FUT9: variants seen among roughly 807,000 people sequenced by gnomAD.
FUT9 encodes 4-galactosyl-N-acetylglucosaminide 3-alpha-L-fucosyltransferase 9.
Under a neutral mutation model 29.7 loss-of-function variants are expected in FUT9, and 15 were observed. That is an observed-to-expected ratio of 0.51 (90% CI 0.34 to 0.78). FUT9 has a LOEUF of 0.78. FUT9 is among the 30% of genes least tolerant of loss of function. The probability of loss-of-function intolerance (pLI) is 0.01; values close to 1 mark genes in which losing one functional copy is unlikely to be tolerated. For missense variants in FUT9, 319 were observed against 425.4 expected (o/e 0.75, Z 2.20); for synonymous variants, 169 against 153.7 (o/e 1.10, Z -0.74).
chr6:96,199,623 A>G (rs994359449), intron 2 of FUT9, among the ~76,000 whole-genome samples: 31 of 152,166 alleles, frequency 2.0e-4, no homozygotes, highest in Non-Finnish European at 1.0e-4. Context: ...CAAAACAGAG[A>G]GGCAAAACTG....
chr6:96,135,423 G>A (rs1416115667), intron 2 of FUT9, among the ~76,000 whole-genome samples: 1 of 151,888 alleles, frequency 6.6e-6, no homozygotes, highest in Non-Finnish European at 1.5e-5. Flanking sequence ...AGAGAAAGGT[G>A]TTAAAGAAGG....
chr6:96,160,977 A>G (rs553172758), intron 2 of FUT9, among the ~76,000 whole-genome samples: 1 of 152,304 alleles, frequency 6.6e-6, no homozygotes, highest in Non-Finnish European at 1.5e-5. Flanking sequence ...AATTGTAATT[A>G]CTGGATAACA....
In FUT9 at chr6:96,203,368, G is replaced by A; in HGVS notation, c.213G>A (p.Trp71Ter). ...FNETTILVWV[W>*]PFGQTFDLTS... ...AAACTACTATTCTGGTGTGGGTGTG[G>A]CCATTTGGGCAGACCTTTGACCTTA... The change falls in exon 3 of 3, where the codon TGG becomes TGA. Residue 71 changes from tryptophan (W) to a stop codon, truncating the protein, a stop_gained. Transcript: ENST00000302103. LOFTEE classifies it high-confidence loss of function. The A allele has an allele frequency of 6.2e-7, 1 of 1,612,822 alleles. No homozygotes were observed.
Position 96,208,095 on chromosome 6 carries a change from C to A in FUT9, c.*3860C>A, listed in dbSNP as rs539273915. The A allele has an allele frequency of 6.0e-6, 1 of 166,852 alleles. No individual in the cohort carries two copies. Among genetic ancestry groups the A allele is most frequent in the South Asian group, 2.1e-4 (1 of 4,834 alleles). The allele number at this position is 166,852 out of a possible 1,614,324, so 10.3% of individuals were successfully genotyped here. A position where few individuals can be genotyped will look rare whatever the true frequency, so the allele number is the denominator to read the frequency against. On this transcript the variant is annotated 3_prime_UTR_variant, in exon 3 of 3. Coordinates refer to ENST00000302103, the MANE Select transcript of FUT9 (RefSeq NM_006581.4). The stretch of plus-strand genomic sequence containing the variant: ...TTCTTATTTTGAGGGGCTTAGAAAG[C>A]TCAGCGCATTTGATGTATAAAGCAA...
intron 1 of FUT9, among the ~76,000 whole-genome samples, chr6:96,067,589 G>A (rs1260517573): frequency 6.6e-6 from 1 of 152,120 alleles, no homozygotes; most frequent in African/African-American, 2.4e-5. Flanking sequence ...AGGGCATTGA[G>A]TATGCAAGAG....
intron 1 of FUT9, among the ~76,000 whole-genome samples, chr6:96,061,184 G>A (rs547905963): frequency 1.0e-4 from 15 of 150,020 alleles, no homozygotes; most frequent in African/African-American, 3.2e-4. Flanking sequence ...AATTTTAATC[G>A]ACTTTATAAT....
At chr6:96,053,642 T>C (rs1163302085) in intron 1 of FUT9, among the ~76,000 whole-genome samples, 16 of 151,788 alleles carry the variant, frequency 1.1e-4, no homozygotes, top group African/African-American at 3.9e-4. Flanking sequence ...CCGGGAGGCG[T>C]AGTTTGCAGT....
In FUT9 at chr6:96,215,128, A is replaced by G. The variant is rs538098574; in HGVS notation, c.*10893A>G. ...TTCATTGATTGAAACTGTAAATAAC[A>G]TAACACTTTAAGGCAGCTAAGCAAA... On this transcript the variant is annotated 3_prime_UTR_variant, in exon 3 of 3. Transcript: ENST00000302103. 2 of 167,126 alleles carry G rather than the reference A, an allele frequency of 1.2e-5. No individual in the cohort carries two copies. Among genetic ancestry groups the G allele is most frequent in the East Asian group, 1.9e-4 (1 of 5,178 alleles). 10.4% of individuals were successfully genotyped at this position (167,126 alleles called of 1,614,324 possible).
intron 1 of FUT9, among the ~76,000 whole-genome samples, chr6:96,051,548 G>GAA (rs1305057013): frequency 6.6e-6 from 1 of 151,978 alleles, no homozygotes; most frequent in African/African-American, 2.4e-5. Context: ...AGCTACTCAA[G>GAA]AGACAGAGGT....
intron 1 of FUT9, among the ~76,000 whole-genome samples, chr6:96,097,657 T>C (rs758358994): frequency 7.9e-5 from 12 of 152,154 alleles, no homozygotes; most frequent in Non-Finnish European, 1.5e-4. Flanking sequence ...ATCTTTGATA[T>C]AGGACATAGT....
At chr6:96,170,793 A>G (rs1011629406) in intron 2 of FUT9, among the ~76,000 whole-genome samples, 1 of 152,154 alleles carries the variant, frequency 6.6e-6, no homozygotes, top group African/African-American at 2.4e-5. Flanking sequence ...AGAATGGGAC[A>G]TTTGGGGATT....
rs1412121925 is a variant in FUT9, at chr6:96,213,422, G to A, written c.*9187G>A. ...TTCTAGCCATTATGTGAATTGTAAGGGTCAGTAATCCATAAATTATTTGGA... is the reference window on the plus strand; with the variant it reads ...TTCTAGCCATTATGTGAATTGTAAGAGTCAGTAATCCATAAATTATTTGGA... On this transcript the variant is annotated 3_prime_UTR_variant, in exon 3 of 3. Coordinates refer to ENST00000302103, the MANE Select transcript of FUT9 (RefSeq NM_006581.4). The A allele has an allele frequency of 6.0e-6, 1 of 166,684 alleles. No homozygotes were observed. Among genetic ancestry groups the A allele is most frequent in the Non-Finnish European group, 1.5e-5 (1 of 67,992 alleles). 10.3% of individuals were successfully genotyped at this position (166,684 alleles called of 1,614,324 possible). A position where few individuals can be genotyped will look rare whatever the true frequency, so the allele number is the denominator to read the frequency against.
intron 1 of FUT9, among the ~76,000 whole-genome samples, chr6:96,037,714 A>T (rs923928065): frequency 6.6e-6 from 1 of 152,116 alleles, no homozygotes; most frequent in Non-Finnish European, 1.5e-5. Flanking sequence ...AAAGAAAAAA[A>T]GACCCTTTTT....
chr6:96,073,347 G>T (rs1771093839), intron 1 of FUT9, among the ~76,000 whole-genome samples: 1 of 151,938 alleles, frequency 6.6e-6, no homozygotes, highest in Non-Finnish European at 1.5e-5. Flanking sequence ...TACTCGGGAG[G>T]CTGAGGCAGA....
Position 96,212,498 on chromosome 6 carries a change from G to T in FUT9, c.*8263G>T, listed in dbSNP as rs1773957180. On this transcript the variant is annotated 3_prime_UTR_variant, in exon 3 of 3. Transcript: ENST00000302103. ...TTAAAATAATTAATCAAAAAACAAA[G>T]ACTATCATATTTGAGAACAAGATTT... 1.2e-5 allele frequency: 5 copies of T among 408,316 alleles called. No individual in the cohort carries two copies. Among genetic ancestry groups the T allele is most frequent in the African/African-American group, 1.0e-4 (5 of 48,416 alleles). 25.3% of individuals were successfully genotyped at this position (408,316 alleles called of 1,614,324 possible). A position where few individuals can be genotyped will look rare whatever the true frequency, so the allele number is the denominator to read the frequency against.
intron 2 of FUT9, among the ~76,000 whole-genome samples, chr6:96,164,674 C>G (rs1772981210): frequency 6.6e-6 from 1 of 152,074 alleles, no homozygotes; most frequent in South Asian, 2.1e-4. Context: ...GCCCAAATTC[C>G]AAAGAAAGGA....
At chr6:96,039,695 G>C (rs1000577679) in intron 1 of FUT9, among the ~76,000 whole-genome samples, 1 of 152,048 alleles carries the variant, frequency 6.6e-6, no homozygotes. Context: ...AATCTCTCAT[G>C]TTGCTTATTA....
At chr6:96,083,221 C>A (rs554746936) in intron 1 of FUT9, among the ~76,000 whole-genome samples, 1 of 151,948 alleles carries the variant, frequency 6.6e-6, no homozygotes, top group African/African-American at 2.4e-5. Flanking sequence ...ACTTAAAAAA[C>A]TTGAATGAAT....
At chr6:96,025,279 A>G (rs929874352) in intron 1 of FUT9, among the ~76,000 whole-genome samples, 1 of 151,768 alleles carries the variant, frequency 6.6e-6, no homozygotes, top group Non-Finnish European at 1.5e-5. Context: ...TTCTCAGACA[A>G]GGAACTCGTT....
Sources: allele counts gnomAD v4.1 joint callset (sites outside exome capture counted in the v4.1 genomes callset), GRCh38; gene constraint gnomAD v4.1.1; transcripts MANE v1.5; gene names NCBI Gene and HGNC (gene_info 2026-07-23, HGNC 2026-07-21).